ARHGAP29: variants seen among roughly 807,000 people sequenced by gnomAD.
ARHGAP29 encodes the protein rho GTPase-activating protein 29.
In ARHGAP29, 43 loss-of-function variants were observed where a neutral mutation model predicts 122.6. The ratio of observed to expected loss-of-function variants is 0.35; its 90% CI spans 0.27 to 0.45. The LOEUF is 0.45. ARHGAP29 is among the 20% of genes least tolerant of loss of function. The probability of loss-of-function intolerance (pLI) is 1.00; values close to 1 mark genes in which losing one functional copy is unlikely to be tolerated. For missense variants in ARHGAP29, 1,303 were observed against 1,477.2 expected (o/e 0.88, Z 1.93); for synonymous variants, 506 against 497.1 (o/e 1.02, Z -0.24).
At chr1:94,311,760 T>C in the ARHGAP29 span, among the ~76,000 whole-genome samples, 1 of 152,280 alleles carries the variant, frequency 6.6e-6, no homozygotes, top group African/African-American at 2.4e-5. Context: ...CCTGAAAAAA[T>C]AAAAGCATAG....
At chr1:94,272,690 G>A (rs2100735303) in intron 1 of ARHGAP29, among the ~76,000 whole-genome samples, 1 of 152,304 alleles carries the variant, frequency 6.6e-6, no homozygotes, top group African/African-American at 2.4e-5. Flanking sequence ...TGCAGTCTGA[G>A]GTTCCTTCTT....
At chr1:94,190,440 G>C in intron 12 of ARHGAP29, 1 of 166,890 alleles carries the variant, frequency 6.0e-6, no homozygotes, top group South Asian at 1.9e-4. Flanking sequence ...CTGCCTAAGA[G>C]AAAAACATGG....
chr1:94,308,629 C>T, the ARHGAP29 span, among the ~76,000 whole-genome samples: 1 of 152,152 alleles, frequency 6.6e-6, no homozygotes, highest in Non-Finnish European at 1.5e-5. Context: ...GCATCTTGTG[C>T]ACCATTTCAA....
chr1:94,186,682 C>T (rs571083097), intron 15 of ARHGAP29, 85 bp from the exon 16 acceptor site: 19 of 991,726 alleles, frequency 1.9e-5, no homozygotes, highest in Admixed American at 1.6e-4. Context: ...TGAAATAACA[C>T]GTCATACTAT....
At chr1:94,273,599 A>G (rs1443988951) in intron 1 of ARHGAP29, among the ~76,000 whole-genome samples, 1 of 152,238 alleles carries the variant, frequency 6.6e-6, no homozygotes, top group Non-Finnish European at 1.5e-5. Flanking sequence ...AGATAGATAG[A>G]CAATTAGGGG....
chr1:94,203,807 C>T, intron 8 of ARHGAP29, 123 bp downstream of exon 8: 2 of 745,966 alleles, frequency 2.7e-6, no homozygotes, highest in Non-Finnish European at 2.2e-6. Context: ...ATAATTTTGT[C>T]AATAAAAAGA....
chr1:94,250,848 A>G (rs758859433), intron 1 of ARHGAP29, among the ~76,000 whole-genome samples: 13 of 152,210 alleles, frequency 8.5e-5, no homozygotes, highest in Non-Finnish European at 1.3e-4. Flanking sequence ...TTCTTATAAG[A>G]TTTTGATGAT....
At chr1:94,184,397 T>G in intron 18 of ARHGAP29, 109 bp from the exon 19 acceptor site, 2 of 825,882 alleles carry the variant, frequency 2.4e-6, no homozygotes, top group Non-Finnish European at 3.6e-6. Flanking sequence ...ATTTCAAATT[T>G]TATTATTATT....
intron 1 of ARHGAP29, among the ~76,000 whole-genome samples, chr1:94,249,805 T>C (rs557192181): frequency 2.6e-5 from 4 of 151,918 alleles, no homozygotes; most frequent in African/African-American, 4.8e-5. Context: ...ATATTGTACA[T>C]AGGATACTAT....
chr1:94,178,276 A>G, intron 20 of ARHGAP29, 109 bp from the exon 21 acceptor site: 1 of 1,021,954 alleles, frequency 9.8e-7, no homozygotes, highest in East Asian at 2.5e-5. Context: ...GCACAAAAAT[A>G]CTAGGGGGAA....
chr1:94,235,529 AATACATAAGTGG>A (rs1217298548), intron 1 of ARHGAP29, among the ~76,000 whole-genome samples: 9 of 152,198 alleles, frequency 5.9e-5, no homozygotes, highest in Non-Finnish European at 1.3e-4. Flanking sequence ...GCTTCACTAC[AATACATAAGTGG>A]ATTGTGAGCA....
chr1:94,189,061 A>C, intron 14 of ARHGAP29, 120 bp from the exon 15 acceptor site: 1 of 1,335,122 alleles, frequency 7.5e-7, no homozygotes, highest in Middle Eastern at 1.9e-4. Context: ...TATCAACGTT[A>C]AGACAGGCAC....
the ARHGAP29 span, among the ~76,000 whole-genome samples, chr1:94,290,673 G>A: frequency 2.0e-5 from 3 of 152,188 alleles, no homozygotes; most frequent in East Asian, 1.9e-4. Context: ...CCTTCATTTC[G>A]TCACTTACCC....
At chr1:94,275,716 AG>A (rs980291220), upstream of ARHGAP29, among the ~76,000 whole-genome samples, 5 of 152,074 alleles carry the variant, frequency 3.3e-5, no homozygotes, top group African/African-American at 4.8e-5. Context: ...AGGAAGGAAA[AG>A]GGTTTTTTTA....
At chr1:94,253,668 G>A (rs1654211333) in intron 1 of ARHGAP29, among the ~76,000 whole-genome samples, 1 of 148,088 alleles carries the variant, frequency 6.8e-6, no homozygotes, top group Middle Eastern at 3.3e-3. Flanking sequence ...ACGCACGCAC[G>A]CACATGCACA....
chr1:94,203,929 C>T lies in ARHGAP29; in HGVS notation c.762+1G>A. ...ACCCCCGAAGTTCACAGAACACTTA[C>T]CTGAATTCCAATGTTAGTTCTAGTT... On this transcript the variant is annotated splice_donor_variant, in intron 8 of 22. Coordinates refer to ENST00000260526, the MANE Select transcript of ARHGAP29 (RefSeq NM_004815.4). LOFTEE classifies it high-confidence loss of function. 1 of 1,613,612 alleles carries T rather than the reference C, an allele frequency of 6.2e-7. No individual in the cohort carries two copies. Among genetic ancestry groups the T allele is most frequent in the Non-Finnish European group, 8.5e-7 (1 of 1,179,732 alleles).
At chr1:94,214,052 A>G (rs546187187) in intron 3 of ARHGAP29, among the ~76,000 whole-genome samples, 104 of 152,336 alleles carry the variant, frequency 6.8e-4, no homozygotes, top group African/African-American at 2.3e-3. Context: ...GAGAGGTGAT[A>G]TAACAGTAAT....
At chr1:94,201,910 A>C in intron 11 of ARHGAP29, 53 bp from the exon 12 acceptor site, 1 of 1,429,132 alleles carries the variant, frequency 7.0e-7, no homozygotes, top group Non-Finnish European at 9.4e-7. Context: ...ATTTTAAACA[A>C]ATATTTACTA....
chr1:94,210,731 A>T (rs966314357), intron 3 of ARHGAP29, among the ~76,000 whole-genome samples: 1 of 152,156 alleles, frequency 6.6e-6, no homozygotes, highest in Non-Finnish European at 1.5e-5. Context: ...CAACTAAAAG[A>T]CACTCAAATA....
Sources: allele counts gnomAD v4.1 joint callset (sites outside exome capture counted in the v4.1 genomes callset), GRCh38; gene constraint gnomAD v4.1.1; transcripts MANE v1.5; gene names NCBI Gene and HGNC (gene_info 2026-07-23, HGNC 2026-07-21).